The following PRKG1 variants were observed in gnomAD, a reference collection of about 807,000 sequenced individuals.
The protein encoded by PRKG1 is protein kinase cGMP-dependent 1, also known as cGMP-dependent protein kinase 1.
A neutral mutation model predicts 88.1 loss-of-function variants in PRKG1; 35 were observed. That is an observed-to-expected ratio of 0.40 (90% CI 0.30 to 0.53). The LOEUF is 0.53. Among genes scored for constraint, PRKG1 ranks in the 20% least tolerant of loss-of-function variants. The pLI is 0.59. For missense variants in PRKG1, 540 were observed against 839.8 expected (o/e 0.64, Z 4.41); for synonymous variants, 303 against 292.5 (o/e 1.04, Z -0.37).
intron 2 of PRKG1, among the ~76,000 whole-genome samples, chr10:51,235,389 C>T (rs1157075356): frequency 1.4e-5 from 2 of 146,204 alleles, no homozygotes; most frequent in African/African-American, 2.6e-5. Context: ...TTCTAAATCA[C>T]GTTACATCTT....
intron 5 of PRKG1, among the ~76,000 whole-genome samples, chr10:52,044,156 A>C (rs1185426158): frequency 6.6e-6 from 1 of 152,172 alleles, no homozygotes; most frequent in African/African-American, 2.4e-5. Flanking sequence ...CAGCAGTGCC[A>C]GTTGTACAAA....
At chr10:51,505,612 TG>T (rs1242171062) in intron 3 of PRKG1, among the ~76,000 whole-genome samples, 8 of 152,280 alleles carry the variant, frequency 5.3e-5, no homozygotes, top group African/African-American at 1.9e-4. Context: ...GGACTTTTTT[TG>T]GTTGGTAAGC....
chr10:52,001,465 A>G (rs1475716163), intron 5 of PRKG1, among the ~76,000 whole-genome samples: 1 of 151,880 alleles, frequency 6.6e-6, no homozygotes, highest in African/African-American at 2.4e-5. Flanking sequence ...CACATTGTAT[A>G]TCCTAAACAT....
At chr10:52,284,475 T>A (rs1230575649) in intron 14 of PRKG1, among the ~76,000 whole-genome samples, 2 of 112,922 alleles carry the variant, frequency 1.8e-5, no homozygotes, top group Admixed American at 2.4e-4. Flanking sequence ...ATGATGGTGG[T>A]GGTAAGAGAC....
At position 52,294,359 on chromosome 10, in the gene PRKG1, C is replaced by T. The variant is rs1031724906; in HGVS notation, c.*459C>T. 6.5e-6 allele frequency: 1 copy of T among 153,770 alleles called. No homozygotes were observed. The highest frequency in any genetic ancestry group is 1.4e-5 in the Non-Finnish European group (1 of 69,112). The allele number at this position is 153,770 out of a possible 1,614,324, so 9.5% of individuals were successfully genotyped here. On this transcript the variant is annotated 3_prime_UTR_variant, in exon 18 of 18. Coordinates refer to ENST00000373980, the MANE Select transcript of PRKG1 (RefSeq NM_006258.4). ...CAAGTGAAGGCTGTGGGATCTATTA[C>T]TGCAGGCCGGTGTATATACCATACA...
At chr10:51,166,603 T>G (rs1846549083) in intron 2 of PRKG1, among the ~76,000 whole-genome samples, 1 of 152,220 alleles carries the variant, frequency 6.6e-6, no homozygotes, top group African/African-American at 2.4e-5. Flanking sequence ...TGGAAAGTCT[T>G]GAAATTTCTC....
At chr10:51,008,790 A>AT (rs1205432895) in intron 1 of PRKG1, among the ~76,000 whole-genome samples, 1 of 152,036 alleles carries the variant, frequency 6.6e-6, no homozygotes, top group African/African-American at 2.4e-5. Flanking sequence ...GAGCCCATGG[A>AT]AAAAAAAGAT....
chr10:51,445,075 G>A (rs1007481945), intron 2 of PRKG1, among the ~76,000 whole-genome samples: 3 of 151,958 alleles, frequency 2.0e-5, no homozygotes, highest in African/African-American at 7.2e-5. Context: ...CTAGCCACAT[G>A]TAACATTTGA....
chr10:52,251,756 T>A lies in PRKG1; in HGVS notation c.1173+90T>A, dbSNP rs1841177705. The A allele has an allele frequency of 5.4e-6, 6 of 1,105,884 alleles. No homozygotes were observed. The East Asian group carries it at 1.5e-4, about 27-fold the overall frequency. 68.5% of individuals were successfully genotyped at this position (1,105,884 alleles called of 1,614,324 possible). On this transcript the variant is annotated intron_variant, in intron 10 of 17. Transcript: ENST00000373980. ...TTAAGATTTCTTTCTTTTCTCTTGT[T>A]TTGTCTTTCATCATTAATTACCATG...
At chr10:51,779,859 T>G (rs547506167) in intron 3 of PRKG1, among the ~76,000 whole-genome samples, 1 of 152,166 alleles carries the variant, frequency 6.6e-6, no homozygotes, top group Non-Finnish European at 1.5e-5. Context: ...TGGTTATTGA[T>G]TTTGATGTTT....
intron 1 of PRKG1, among the ~76,000 whole-genome samples, chr10:51,007,001 C>T (rs535606737): frequency 7.0e-6 from 1 of 143,328 alleles, no homozygotes; most frequent in Non-Finnish European, 1.5e-5. Context: ...TGCAGTGGTA[C>T]GATCTCAGCT....
chr10:51,444,459 A>G (rs1322018537), intron 2 of PRKG1, among the ~76,000 whole-genome samples: 1 of 151,910 alleles, frequency 6.6e-6, no homozygotes, highest in East Asian at 1.9e-4. Context: ...ACGGGTATAC[A>G]GATTTAAAGC....
Position 51,549,495 on chromosome 10 carries a change from C to T in PRKG1, c.592+81659C>T, listed in dbSNP as rs181751017. Among the ~76,000 whole-genome samples, 407 of 151,990 alleles carry T rather than the reference C, an allele frequency of 2.7e-3. 3 individuals are homozygous for T. Among genetic ancestry groups the T allele is most frequent in the African/African-American group, 9.6e-3 (397 of 41,470 alleles). ...ACAATAATGACTTAGCTACTAGTTG[C>T]GATAGGTTTATTATTTAATCTCTAT... On this transcript the variant is annotated intron_variant, in intron 3 of 17. Transcript: ENST00000373980.
intron 3 of PRKG1, among the ~76,000 whole-genome samples, chr10:51,779,318 G>A (rs989548864): frequency 1.3e-5 from 2 of 151,964 alleles, no homozygotes; most frequent in African/African-American, 2.4e-5. Flanking sequence ...AGCAATACAC[G>A]AATTTTTCCT....
chr10:51,817,413 T>C (rs1242032209), intron 4 of PRKG1, among the ~76,000 whole-genome samples: 2 of 148,784 alleles, frequency 1.3e-5, no homozygotes, highest in African/African-American at 4.9e-5. Context: ...GTGTTCTCAT[T>C]GTTCAACTCC....
At chr10:51,868,345 A>G (rs1226149371) in intron 4 of PRKG1, among the ~76,000 whole-genome samples, 1 of 152,144 alleles carries the variant, frequency 6.6e-6, no homozygotes, top group Non-Finnish European at 1.5e-5. Flanking sequence ...GGTGGGGGAA[A>G]ATAAGGCCTT....
chr10:51,322,378 G>A (rs1487682889), intron 2 of PRKG1, among the ~76,000 whole-genome samples: 1 of 152,144 alleles, frequency 6.6e-6, no homozygotes, highest in Admixed American at 6.5e-5. Context: ...AGTTTGACAT[G>A]AGACCCGTCT....
intron 1 of PRKG1, among the ~76,000 whole-genome samples, chr10:51,017,696 A>G (rs10822101): frequency 0.35 from 53,149 of 151,998 alleles, 9,417 homozygotes; most frequent in East Asian, 0.51. Context: ...CAATCTTTAC[A>G]TTGGGATAGG....
At chr10:52,264,314 C>G (rs1425711788) in intron 10 of PRKG1, among the ~76,000 whole-genome samples, 1 of 152,042 alleles carries the variant, frequency 6.6e-6, no homozygotes, top group Non-Finnish European at 1.5e-5. Context: ...TTTGGTGAAC[C>G]TGCCCTTTGG....
Sources: gnomAD v4.1 joint callset for allele counts (sites outside exome capture counted in the v4.1 genomes callset) on GRCh38, gnomAD v4.1.1 for gene constraint, MANE v1.5 for transcripts, NCBI Gene and HGNC (gene_info 2026-07-23, HGNC 2026-07-21) for gene names.